Variants in DLGAP1 observed in about 807,000 individuals in gnomAD.
The protein encoded by DLGAP1 is DLG associated protein 1, also known as disks large-associated protein 1.
DLGAP1 carries 11 observed loss-of-function variants against 90.8 expected under a neutral mutation model. The observed-to-expected ratio is 0.12, with a 90% CI of 0.08 to 0.20. The LOEUF is 0.20. Ranked by LOEUF, DLGAP1 falls within the 10% of genes least tolerant of loss-of-function variation. DLGAP1 has a pLI of 1.00. For synonymous variants in DLGAP1, 558 were observed against 540.7 expected (o/e 1.03, Z -0.44); for missense variants, 1,050 against 1,333.8 (o/e 0.79, Z 3.31).
At chr18:4,245,780 T>A (rs2078641279) in intron 1 of DLGAP1, among the ~76,000 whole-genome samples, 2 of 150,884 alleles carry the variant, frequency 1.3e-5, no homozygotes, top group Non-Finnish European at 3.0e-5. Flanking sequence ...AGCATTTATA[T>A]CAATGAAATG....
intron 1 of DLGAP1, among the ~76,000 whole-genome samples, chr18:4,177,112 C>T (rs1463740291): frequency 2.0e-5 from 3 of 152,078 alleles, no homozygotes; most frequent in Non-Finnish European, 4.4e-5. Context: ...CAGACACATG[C>T]CAGTGGCAGA....
At position 3,540,877 on chromosome 18, in the gene DLGAP1, G is replaced by T. The variant is rs72859834; in HGVS notation, c.2058-6262C>A. Among the ~76,000 whole-genome samples, 802 of 152,286 alleles carry T rather than the reference G, an allele frequency of 5.3e-3. 4 individuals are homozygous for T. Among genetic ancestry groups the T allele is most frequent in the Non-Finnish European group, 6.6e-3 (450 of 68,026 alleles). ...GGAGGAAATAGAAAATAATGAGAGT[G>T]GACGTGTTGTCATCTGGTAACTTCT... On this transcript the variant is annotated intron_variant, in intron 9 of 12. Transcript: ENST00000315677.
intron 1 of DLGAP1, among the ~76,000 whole-genome samples, chr18:4,246,299 A>G (rs2078651785): frequency 6.6e-6 from 1 of 152,240 alleles, no homozygotes; most frequent in Non-Finnish European, 1.5e-5. Context: ...TAGCCATGGC[A>G]GATGATATTT....
chr18:3,679,000 T>C (rs2060413322), intron 7 of DLGAP1, among the ~76,000 whole-genome samples: 1 of 152,146 alleles, frequency 6.6e-6, no homozygotes, highest in Non-Finnish European at 1.5e-5. Flanking sequence ...AAAAACCAGT[T>C]AATTAATTAT....
Position 3,740,333 on chromosome 18 carries a change from C to T in DLGAP1, c.1350+2002G>A, listed in dbSNP as rs528747982. Reference sequence around the variant, plus strand: ...AAAATGCACCAAAATGAGGCTCCAGCTATTTCCCTGAGAATTGGGATAATG... The same window carrying T: ...AAAATGCACCAAAATGAGGCTCCAGTTATTTCCCTGAGAATTGGGATAATG... On this transcript the variant is annotated intron_variant, in intron 6 of 12. Transcript: ENST00000315677. Among the ~76,000 whole-genome samples the T allele has an allele frequency of 2.0e-5, 3 of 152,280 alleles. No individual in the cohort carries two copies. In the South Asian group the frequency reaches 6.2e-4, roughly 32 times the overall value.
Position 3,768,291 on chromosome 18 carries a change from A to G in DLGAP1, c.1173-25779T>C, listed in dbSNP as rs180768556. Reference sequence around the variant, plus strand: ...GAAAAGTACATGGCACTGATGAAATAAATCAAAGATGATTTTAATAAATGG... The same window carrying G: ...GAAAAGTACATGGCACTGATGAAATGAATCAAAGATGATTTTAATAAATGG... On this transcript the variant is annotated intron_variant, in intron 5 of 12. Transcript: ENST00000315677. 3.3e-5 allele frequency among the ~76,000 whole-genome samples: 5 copies of G among 152,306 alleles called. No individual in the cohort carries two copies. In the East Asian group the frequency reaches 9.6e-4, roughly 29 times the overall value.
At chr18:3,873,129 ACTG>A (rs1687971770) in intron 4 of DLGAP1, among the ~76,000 whole-genome samples, 1 of 152,142 alleles carries the variant, frequency 6.6e-6, no homozygotes, top group Admixed American at 6.5e-5. Context: ...GTCTTTCTGG[ACTG>A]CTGCTTTCTC....
chr18:3,703,573 T>C (rs2061345816), intron 7 of DLGAP1, among the ~76,000 whole-genome samples: 1 of 152,238 alleles, frequency 6.6e-6, no homozygotes, highest in Non-Finnish European at 1.5e-5. Context: ...TGTTGTCCAC[T>C]TGTTTCTTTT....
Position 3,674,958 on chromosome 18 carries a change from C to T in DLGAP1, c.1591+54177G>A, listed in dbSNP as rs990518067. 1.8e-3 allele frequency among the ~76,000 whole-genome samples: 233 copies of T among 132,020 alleles called. 1 individual carries two copies. The highest frequency in any genetic ancestry group is 6.4e-3 in the African/African-American group (218 of 34,246). The allele number at this position is 132,020 out of a possible 152,430, so 86.6% of individuals were successfully genotyped here. ...CCCCATTCACCTCCACTATCAGTAC[C>T]GAGTCCACCACAATCATCACCCCCA... On this transcript the variant is annotated intron_variant, in intron 7 of 12. Transcript: ENST00000315677.
At chr18:3,504,098 AAAAT>A (rs200364003) in intron 11 of DLGAP1, among the ~76,000 whole-genome samples, 1,534 of 152,310 alleles carry the variant, frequency 0.01, 30 homozygotes, top group African/African-American at 0.035. Flanking sequence ...TTCTGTCTCA[AAAAT>A]AAATAAATAA....
chr18:3,917,093 C>T (rs1245694019), intron 3 of DLGAP1, among the ~76,000 whole-genome samples: 2 of 152,190 alleles, frequency 1.3e-5, no homozygotes, highest in Admixed American at 1.3e-4. Flanking sequence ...TTTTGCTCAG[C>T]TGTGGGCTAA....
chr18:4,184,809 T>A (rs2077265197), intron 1 of DLGAP1, among the ~76,000 whole-genome samples: 1 of 152,134 alleles, frequency 6.6e-6, no homozygotes, highest in Admixed American at 6.6e-5. Flanking sequence ...CTCTGATGGA[T>A]GAAGGAATGT....
chr18:4,027,813 A>C (rs2074728814), intron 2 of DLGAP1, among the ~76,000 whole-genome samples: 2 of 152,184 alleles, frequency 1.3e-5, no homozygotes, highest in Admixed American at 1.3e-4. Context: ...TGACTCAGAT[A>C]ATTTGCTTTC....
At chr18:3,741,903 C>T (rs1037968004) in intron 6 of DLGAP1, among the ~76,000 whole-genome samples, 8 of 151,122 alleles carry the variant, frequency 5.3e-5, no homozygotes, top group East Asian at 3.9e-4. Context: ...AGTGCAGTGA[C>T]GTGATCTCGG....
At chr18:4,282,090 T>C (rs2079564711) in intron 1 of DLGAP1, among the ~76,000 whole-genome samples, 1 of 152,052 alleles carries the variant, frequency 6.6e-6, no homozygotes, top group Non-Finnish European at 1.5e-5. Flanking sequence ...ATGGGCTGGG[T>C]GAAGGGGCTC....
intron 7 of DLGAP1, among the ~76,000 whole-genome samples, chr18:3,623,275 AC>A (rs2058167290): frequency 6.6e-6 from 1 of 152,234 alleles, no homozygotes; most frequent in South Asian, 2.1e-4. Flanking sequence ...AGGGCCTGGA[AC>A]AAAGTAAATG....
chr18:3,848,653 G>A (rs2069160095), intron 4 of DLGAP1, among the ~76,000 whole-genome samples: 2 of 152,064 alleles, frequency 1.3e-5, no homozygotes, highest in South Asian at 2.1e-4. Context: ...TGTCTTCTAC[G>A]CAGGTCAGAA....
chr18:3,815,891 A>G (rs2067080977), intron 4 of DLGAP1, among the ~76,000 whole-genome samples: 1 of 152,234 alleles, frequency 6.6e-6, no homozygotes, highest in South Asian at 2.1e-4. Flanking sequence ...CTTGCCCTCA[A>G]CATATTTATA....
At chr18:4,105,845 A>C (rs1196374021) in intron 2 of DLGAP1, among the ~76,000 whole-genome samples, 4 of 151,824 alleles carry the variant, frequency 2.6e-5, no homozygotes, top group African/African-American at 9.7e-5. Context: ...CCTGGCTAAC[A>C]CGGTGAAACC....
Sources: gnomAD v4.1 joint callset for allele counts (sites outside exome capture counted in the v4.1 genomes callset) on GRCh38, gnomAD v4.1.1 for gene constraint, MANE v1.5 for transcripts, NCBI Gene and HGNC (gene_info 2026-07-23, HGNC 2026-07-21) for gene names.